DRC11: variants seen among roughly 807,000 people sequenced by gnomAD.
The protein encoded by DRC11 is dynein regulatory complex subunit 11.
the DRC11 span, among the ~76,000 whole-genome samples, chr2:236,320,438 C>A: frequency 6.6e-6 from 1 of 152,188 alleles, no homozygotes; most frequent in South Asian, 2.1e-4. Context: ...CAATTACGGT[C>A]TTCATATTAA....
the DRC11 span, among the ~76,000 whole-genome samples, chr2:236,407,674 C>T: frequency 6.6e-6 from 1 of 152,266 alleles, no homozygotes; most frequent in South Asian, 2.1e-4. Flanking sequence ...ACTTTCTTCT[C>T]AAGCCTTCTC....
At chr2:236,391,778 G>A in the DRC11 span, among the ~76,000 whole-genome samples, 1 of 152,198 alleles carries the variant, frequency 6.6e-6, no homozygotes, top group African/African-American at 2.4e-5. This position sits in a 1 kb window ranked among gnomAD's most constrained non-coding sequence, Gnocchi z 4.5. Context: ...TCAGATGGTT[G>A]GGTTTATCCT....
the DRC11 span, chr2:236,503,825 T>TCAGCCCATCTGGCCTTGCGCC: frequency 1.2e-6 from 1 of 819,260 alleles, no homozygotes; most frequent in South Asian, 1.5e-5. This position sits in a 1 kb window ranked among gnomAD's most constrained non-coding sequence, Gnocchi z 4.9. Context: ...CACTTTGCGC[T>TCAGCCCATCTGGCCTTGCGCC]CAGCCCATCT....
chr2:236,408,495 C>T, the DRC11 span: 1 of 737,202 alleles, frequency 1.4e-6, no homozygotes, highest in Non-Finnish European at 2.5e-6. The surrounding 1 kb of genome is among the most constrained non-coding windows in gnomAD (Gnocchi z 5.5). Context: ...CCCAGTCCAG[C>T]TTCTTGGCCA....
chr2:236,430,525 G>A, the DRC11 span, among the ~76,000 whole-genome samples: 3 of 152,106 alleles, frequency 2.0e-5, no homozygotes, highest in South Asian at 2.1e-4. The surrounding 1 kb of genome is among the most constrained non-coding windows in gnomAD (Gnocchi z 6.0). Context: ...AGAACTTCAC[G>A]GTTCATTTTT....
the DRC11 span, among the ~76,000 whole-genome samples, chr2:236,473,506 G>A: frequency 6.6e-6 from 1 of 152,144 alleles, no homozygotes; most frequent in Non-Finnish European, 1.5e-5. This position sits in a 1 kb window ranked among gnomAD's most constrained non-coding sequence, Gnocchi z 4.8. Context: ...AAAAGTGACA[G>A]GTCTTCCTCT....
At chr2:236,414,183 T>C in the DRC11 span, among the ~76,000 whole-genome samples, 346 of 152,282 alleles carry the variant, frequency 2.3e-3, 3 homozygotes, top group Middle Eastern at 3.4e-3. Context: ...AGCTTTTTTT[T>C]CATCCTCTTC....
chr2:236,497,471 A>C, the DRC11 span: 2 of 1,608,610 alleles, frequency 1.2e-6, no homozygotes, highest in South Asian at 2.2e-5. The surrounding 1 kb of genome is among the most constrained non-coding windows in gnomAD (Gnocchi z 5.1). Flanking sequence ...GTCTGATGCC[A>C]CATCTTATTA....
chr2:236,334,191 TGAACTC>T, the DRC11 span, among the ~76,000 whole-genome samples: 15 of 152,228 alleles, frequency 9.9e-5, no homozygotes, highest in Non-Finnish European at 2.2e-4. The surrounding 1 kb of genome is among the most constrained non-coding windows in gnomAD (Gnocchi z 7.8). Flanking sequence ...CTGCAGCTGA[TGAACTC>T]GAGCTGTTGG....
chr2:236,456,888 A>G, the DRC11 span, among the ~76,000 whole-genome samples: 1 of 152,208 alleles, frequency 6.6e-6, no homozygotes, highest in African/African-American at 2.4e-5. The surrounding 1 kb of genome is among the most constrained non-coding windows in gnomAD (Gnocchi z 5.4). Context: ...AATCAGTCCC[A>G]GGGTCCAGAG....
chr2:236,315,596 C>T, the DRC11 span, among the ~76,000 whole-genome samples: 4 of 152,098 alleles, frequency 2.6e-5, no homozygotes, highest in African/African-American at 9.7e-5. The surrounding 1 kb of genome is among the most constrained non-coding windows in gnomAD (Gnocchi z 5.1). Flanking sequence ...AAGACATGGA[C>T]TCAACCCAAA....
At chr2:236,460,387 GTC>G in the DRC11 span, among the ~76,000 whole-genome samples, 4 of 152,126 alleles carry the variant, frequency 2.6e-5, no homozygotes, top group Non-Finnish European at 4.4e-5. The surrounding 1 kb of genome is among the most constrained non-coding windows in gnomAD (Gnocchi z 4.0). Context: ...AGCTGCTCCT[GTC>G]TCCCATGACC....
At chr2:236,449,936 G>A in the DRC11 span, among the ~76,000 whole-genome samples, 1 of 152,174 alleles carries the variant, frequency 6.6e-6, no homozygotes, top group Admixed American at 6.5e-5. This position sits in a 1 kb window ranked among gnomAD's most constrained non-coding sequence, Gnocchi z 5.1. Flanking sequence ...GACAGGAGGA[G>A]AAACCCCTAT....
the DRC11 span, among the ~76,000 whole-genome samples, chr2:236,406,543 G>A: frequency 6.6e-6 from 1 of 152,122 alleles, no homozygotes; most frequent in East Asian, 1.9e-4. This position sits in a 1 kb window ranked among gnomAD's most constrained non-coding sequence, Gnocchi z 4.7. Flanking sequence ...ATCCTGGGGT[G>A]GGGGAGAGGT....
the DRC11 span, among the ~76,000 whole-genome samples, chr2:236,369,826 C>T: frequency 4.6e-5 from 7 of 152,168 alleles, no homozygotes; most frequent in Non-Finnish European, 1.0e-4. This position sits in a 1 kb window ranked among gnomAD's most constrained non-coding sequence, Gnocchi z 4.5. Flanking sequence ...GTCCAGCATT[C>T]CCGGCACAGA....
the DRC11 span, among the ~76,000 whole-genome samples, chr2:236,386,733 T>C: frequency 1.3e-5 from 2 of 149,808 alleles, no homozygotes; most frequent in Non-Finnish European, 3.0e-5. Flanking sequence ...CTTGCTTTTC[T>C]AGTTCTTTTA....
chr2:236,342,789 C>T, the DRC11 span, among the ~76,000 whole-genome samples: 1 of 152,152 alleles, frequency 6.6e-6, no homozygotes, highest in Non-Finnish European at 1.5e-5. This position sits in a 1 kb window ranked among gnomAD's most constrained non-coding sequence, Gnocchi z 5.8. Context: ...GCTCAGGTCC[C>T]CTCGCCGGCC....
the DRC11 span, among the ~76,000 whole-genome samples, chr2:236,417,095 C>T: frequency 6.6e-6 from 1 of 151,648 alleles, no homozygotes; most frequent in African/African-American, 2.4e-5. Context: ...GTCTCGAACT[C>T]CTGACCTCAG....
the DRC11 span, chr2:236,324,380 T>C: frequency 3.6e-6 from 1 of 275,048 alleles, no homozygotes; most frequent in Non-Finnish European, 7.0e-6. This position sits in a 1 kb window ranked among gnomAD's most constrained non-coding sequence, Gnocchi z 5.7. Context: ...TTGGAAAGAC[T>C]GTGGAGGGTG....
Sources: allele counts gnomAD v4.1 joint callset (sites outside exome capture counted in the v4.1 genomes callset), GRCh38; gene constraint gnomAD v4.1.1; non-coding constraint Gnocchi (gnomAD v3.1); transcripts MANE v1.5; gene names NCBI Gene and HGNC (gene_info 2026-07-23, HGNC 2026-07-21).